Variants in CLIC5 observed in about 807,000 individuals in gnomAD.
CLIC5 encodes the protein CLIC family member 5.
In CLIC5, 20 loss-of-function variants were observed where a neutral mutation model predicts 24.7. The observed-to-expected ratio is 0.81, with a 90% CI of 0.57 to 1.18. The LOEUF is 1.18. Ranked by LOEUF, CLIC5 falls within the 50% of genes most tolerant of loss-of-function variation. The pLI, the probability that CLIC5 is intolerant of heterozygous loss-of-function variation, is 0.00. For missense variants in CLIC5, 341 were observed against 326.1 expected (o/e 1.05, Z -0.35); for synonymous variants, 159 against 135.6 (o/e 1.17, Z -1.20).
chr6:45,922,851 G>A (rs981584522), intron 4 of CLIC5, among the ~76,000 whole-genome samples: 31 of 152,074 alleles, frequency 2.0e-4, no homozygotes, highest in African/African-American at 7.5e-4. Flanking sequence ...GAGAGAGAGA[G>A]AGAGAGACTG....
At chr6:45,940,282 T>C (rs1308254265) in intron 4 of CLIC5, among the ~76,000 whole-genome samples, 1 of 152,198 alleles carries the variant, frequency 6.6e-6, no homozygotes, top group Non-Finnish European at 1.5e-5. Flanking sequence ...TTACCTGCAG[T>C]TAATCAGCTC....
At chr6:46,071,089 AG>A (rs1372881609) in intron 1 of CLIC5, among the ~76,000 whole-genome samples, 1 of 152,214 alleles carries the variant, frequency 6.6e-6, no homozygotes, top group African/African-American at 2.4e-5. Flanking sequence ...GATAGATTAA[AG>A]ATTTAAATGT....
Position 45,912,769 on chromosome 6 carries a change from G to A in CLIC5, c.588+1459C>T, listed in dbSNP as rs1365494424. 1.1e-5 allele frequency: 15 copies of A among 1,427,442 alleles called. No homozygotes were observed. In the South Asian group the frequency reaches 1.7e-4, roughly 16 times the overall value. 88.4% of individuals were successfully genotyped at this position (1,427,442 alleles called of 1,614,324 possible). On this transcript the variant is annotated intron_variant, in intron 5 of 5. Transcript: ENST00000339561. Reference sequence around the variant, plus strand: ...GGAGAAGAAGAATAAAGGATGATGGGTGGGGCATGCAGTAGTTAATAACTT... The same window carrying A: ...GGAGAAGAAGAATAAAGGATGATGGATGGGGCATGCAGTAGTTAATAACTT...
chr6:46,047,898 C>T (rs552738891), intron 1 of CLIC5, among the ~76,000 whole-genome samples: 2 of 152,072 alleles, frequency 1.3e-5, no homozygotes, highest in East Asian at 3.9e-4. Context: ...TATTAATTTA[C>T]CTTTTGGGAT....
At chr6:46,126,005 G>A in the CLIC5 span, among the ~76,000 whole-genome samples, 2 of 152,198 alleles carry the variant, frequency 1.3e-5, no homozygotes, top group Non-Finnish European at 2.9e-5. Context: ...AAAAGGCCAA[G>A]TTTGAGTCAG....
At chr6:46,005,605 G>A (rs1766522680) in intron 1 of CLIC5, among the ~76,000 whole-genome samples, 1 of 152,164 alleles carries the variant, frequency 6.6e-6, no homozygotes, top group Admixed American at 6.5e-5. Context: ...TTCATGATCT[G>A]ATCTGCTAGA....
At chr6:46,122,591 T>G in the CLIC5 span, among the ~76,000 whole-genome samples, 26 of 152,100 alleles carry the variant, frequency 1.7e-4, no homozygotes, top group South Asian at 5.2e-3. Context: ...AGAGCAGAAC[T>G]GAAGGAGATA....
At chr6:46,121,867 A>C in the CLIC5 span, among the ~76,000 whole-genome samples, 15 of 152,224 alleles carry the variant, frequency 9.9e-5, no homozygotes, top group African/African-American at 3.4e-4. Context: ...GATCAATTCA[A>C]CAAGAAGAGC....
intron 1 of CLIC5, among the ~76,000 whole-genome samples, chr6:45,970,184 T>A (rs1765152181): frequency 6.6e-6 from 1 of 152,210 alleles, no homozygotes; most frequent in African/African-American, 2.4e-5. Flanking sequence ...GCCCCTGTCA[T>A]GTGGGCCCAC....
the CLIC5 span, among the ~76,000 whole-genome samples, chr6:46,105,222 T>C: frequency 6.6e-6 from 1 of 152,070 alleles, no homozygotes; most frequent in African/African-American, 2.4e-5. Context: ...TCTTATGAGG[T>C]GGGAGAATAT....
At chr6:46,061,471 G>A (rs1057111250) in intron 1 of CLIC5, among the ~76,000 whole-genome samples, 14 of 152,344 alleles carry the variant, frequency 9.2e-5, no homozygotes, top group Admixed American at 2.0e-4. Flanking sequence ...GAATACAGGC[G>A]TGAGCCACCA....
rs143567992 is a variant in CLIC5, at chr6:46,045,060, C to T, written c.540+34643G>A. On this transcript the variant is annotated intron_variant, in intron 1 of 5. Transcript: ENST00000185206. ...GGAGCAGTGAGTGGGCCGTAGTCCC[C>T]CACCACACCCGCTCTCCTCTGAGAG... 7.5e-4 allele frequency among the ~76,000 whole-genome samples: 114 copies of T among 152,146 alleles called. 2 individuals are homozygous for T. The East Asian group carries it at 0.02, about 26-fold the overall frequency.
chr6:45,894,825 G>A (rs9472605), downstream of CLIC5, among the ~76,000 whole-genome samples: 1,556 of 152,316 alleles, frequency 0.01, 24 homozygotes, highest in African/African-American at 0.036. Flanking sequence ...GCACTGTAAG[G>A]TGAGGTCTTG....
At chr6:45,942,050 T>C (rs1223959679) in intron 3 of CLIC5, among the ~76,000 whole-genome samples, 1 of 152,132 alleles carries the variant, frequency 6.6e-6, no homozygotes, top group Non-Finnish European at 1.5e-5. Context: ...AAAATAACCA[T>C]CTACTGCCAG....
intron 3 of CLIC5, among the ~76,000 whole-genome samples, chr6:45,942,246 G>A (rs1764156584): frequency 6.6e-6 from 1 of 152,176 alleles, no homozygotes; most frequent in South Asian, 2.1e-4. Flanking sequence ...AAAAGGACAT[G>A]TGTTTTCAAT....
At chr6:46,085,943 C>G in the CLIC5 span, among the ~76,000 whole-genome samples, 1 of 152,260 alleles carries the variant, frequency 6.6e-6, no homozygotes, top group East Asian at 1.9e-4. Context: ...CAAGCCTGGG[C>G]AATGGCGGGT....
intron 1 of CLIC5, among the ~76,000 whole-genome samples, chr6:45,965,359 T>G (rs910281030): frequency 1.3e-5 from 2 of 151,980 alleles, no homozygotes; most frequent in Non-Finnish European, 2.9e-5. Flanking sequence ...AGTTCAAGAG[T>G]CAAAGATGAG....
downstream of CLIC5, among the ~76,000 whole-genome samples, chr6:45,894,994 G>A (rs1008435549): frequency 7.9e-5 from 12 of 151,948 alleles, no homozygotes; most frequent in East Asian, 1.9e-4. Flanking sequence ...AGGAAGGTAC[G>A]TTAGGTTCAG....
chr6:45,939,252 C>T (rs368584841), intron 4 of CLIC5, among the ~76,000 whole-genome samples: 3 of 128,078 alleles, frequency 2.3e-5, no homozygotes, highest in Non-Finnish European at 3.1e-5. Flanking sequence ...GTTGGAGTGT[C>T]GCTCTGTTGC....
Sources: allele counts gnomAD v4.1 joint callset (sites outside exome capture counted in the v4.1 genomes callset), GRCh38; gene constraint gnomAD v4.1.1; transcripts MANE v1.5; gene names NCBI Gene and HGNC (gene_info 2026-07-23, HGNC 2026-07-21).